The following VPS13D variants were observed in gnomAD, a reference collection of about 807,000 sequenced individuals.
The protein encoded by VPS13D is vacuolar protein sorting 13 homolog D.
In VPS13D, 187 loss-of-function variants were observed where a neutral mutation model predicts 461.9. The observed-to-expected ratio is 0.40, with a 90% CI of 0.36 to 0.46. VPS13D has a LOEUF of 0.46. Among genes scored for constraint, VPS13D ranks in the 20% least tolerant of loss-of-function variants. The pLI is 0.60. For missense variants in VPS13D, 4,711 were observed against 5,364.9 expected (o/e 0.88, Z 3.81); for synonymous variants, 1,951 against 1,986.3 (o/e 0.98, Z 0.47).
chr1:12,400,192 G>A lies in VPS13D; in HGVS notation c.11646G>A (p.Gln3882=). The change falls in exon 61 of 70, where the codon CAG becomes CAA. Residue 3882 remains glutamine (Q), a synonymous_variant. Coordinates refer to ENST00000620676, the MANE Select transcript of VPS13D (RefSeq NM_015378.4). The part of the protein sequence containing the change: ...LSIQDVQVDN[Q]LIGTTQPFML... ...TTCCATGGCCGTAGGTGGACAATCAGCTCATTGGTACCACGCAGCCCTTCA... is the reference window on the plus strand; with the variant it reads ...TTCCATGGCCGTAGGTGGACAATCAACTCATTGGTACCACGCAGCCCTTCA... 6.2e-7 allele frequency: 1 copy of A among 1,613,922 alleles called. No homozygotes were observed. Among genetic ancestry groups the A allele is most frequent in the South Asian group, 1.1e-5 (1 of 91,056 alleles).
chr1:12,337,985 C>T, intron 39 of VPS13D: 1 of 393,106 alleles, frequency 2.5e-6, no homozygotes, highest in Non-Finnish European at 4.7e-6. Flanking sequence ...TCTTCTAATT[C>T]AGGAAAAAAA....
At position 12,299,395 on chromosome 1, in the gene VPS13D, A is replaced by C. The variant is rs1313982238; in HGVS notation, c.6216+11A>C. ...TCCCTACAAGATAAGGTGAGCAATC[A>C]GTATCCATTTCCTTTTCCGTTCAGC... On this transcript the variant is annotated intron_variant, in intron 25 of 69. Transcript: ENST00000620676. This position sits in a 1 kb window ranked among gnomAD's most constrained non-coding sequence, Gnocchi z 4.2. The C allele has an allele frequency of 3.1e-6, 5 of 1,596,902 alleles. No individual in the cohort carries two copies. The South Asian group carries it at 5.7e-5, about 18-fold the overall frequency.
chr1:12,312,948 C>T (rs1053947148), intron 29 of VPS13D, among the ~76,000 whole-genome samples: 1 of 152,172 alleles, frequency 6.6e-6, no homozygotes, highest in African/African-American at 2.4e-5. Context: ...CTTCCTTAGT[C>T]AGTGTAAATG....
chr1:12,325,367 C>T (rs1643153482), intron 35 of VPS13D, among the ~76,000 whole-genome samples: 1 of 152,154 alleles, frequency 6.6e-6, no homozygotes, highest in South Asian at 2.1e-4. Context: ...TCAAGTGATA[C>T]TCCTGCCTCA....
intron 65 of VPS13D, among the ~76,000 whole-genome samples, chr1:12,419,737 T>G (rs1209192963): frequency 5.9e-5 from 9 of 152,170 alleles, no homozygotes; most frequent in Non-Finnish European, 1.2e-4. Context: ...ACATTGGGGA[T>G]TATAATTCAA....
rs201823549 is a variant in VPS13D at position 12,283,177 on chromosome 1, G to A, written c.5075G>A (p.Arg1692Gln). 1.6e-4 allele frequency: 258 copies of A among 1,614,096 alleles called. No individual in the cohort carries two copies. The highest frequency in any genetic ancestry group is 1.6e-3 in the South Asian group (144 of 91,068). Residue 1692 changes from arginine to glutamine, a missense_variant, in exon 21 of 70, where the codon CGA (arginine) becomes CAA (glutamine). Coordinates refer to ENST00000620676, the MANE Select transcript of VPS13D (RefSeq NM_015378.4). ...AAATATAAGAACCTGATGGTGTCTC[G>A]AGGAGCCCCTAAGCCATCTAGTTTA... is the stretch of plus-strand genomic sequence containing the variant. ...DSKYKNLMVS[R>Q]GAPKPSSLAQ... is the part of the protein sequence containing the mutation.
chr1:12,335,680 A>C (rs1340738036), intron 38 of VPS13D, 25 bp from the exon 39 acceptor site: 1 of 1,579,076 alleles, frequency 6.3e-7, no homozygotes, highest in South Asian at 1.2e-5. Flanking sequence ...TAGTTCTCTT[A>C]ATATCTCTGG....
chr1:12,336,122 A>G (rs1157233243), intron 39 of VPS13D: 1 of 290,996 alleles, frequency 3.4e-6, no homozygotes, highest in Non-Finnish European at 6.5e-6. Context: ...ATGCATCAGG[A>G]TCAGCTGTGG....
intron 46 of VPS13D, among the ~76,000 whole-genome samples, chr1:12,353,662 G>C (rs1367619099): frequency 6.6e-6 from 1 of 151,972 alleles, no homozygotes; most frequent in African/African-American, 2.4e-5. Flanking sequence ...GGGGTTGCCT[G>C]AATGATGGAG....
chr1:12,274,770 A>G (rs978144713), intron 18 of VPS13D, among the ~76,000 whole-genome samples: 3 of 152,044 alleles, frequency 2.0e-5, no homozygotes, highest in Non-Finnish European at 4.4e-5. Context: ...GAAAGATGAG[A>G]CCTCTCTTCT....
chr1:12,289,563 C>CTT lies in VPS13D; in HGVS notation c.5725+1263_5725+1264dup, dbSNP rs761225478. 6.0e-4 allele frequency among the ~76,000 whole-genome samples: 84 copies of CTT among 141,060 alleles called. 1 individual carries two copies. Among genetic ancestry groups the CTT allele is most frequent in the African/African-American group, 1.8e-3 (71 of 38,844 alleles). The allele number at this position is 141,060 out of a possible 152,430, so 92.5% of individuals were successfully genotyped here. On this transcript the variant is annotated intron_variant, in intron 22 of 69. Coordinates refer to ENST00000620676, the MANE Select transcript of VPS13D (RefSeq NM_015378.4). ...AGAAAAGCTTCTTAGAGGAGATTGG[C>CTT]TTTTTTTTTTTTTTCCTTCTTACAG...
chr1:12,392,648 C>A (rs1329596615), intron 60 of VPS13D, among the ~76,000 whole-genome samples: 2 of 152,012 alleles, frequency 1.3e-5, no homozygotes, highest in East Asian at 3.8e-4. Flanking sequence ...CCACCAAAGC[C>A]CAGTAACAGG....
At chr1:12,232,294 CAGG>C (rs1358862310) in intron 1 of VPS13D, among the ~76,000 whole-genome samples, 1 of 152,116 alleles carries the variant, frequency 6.6e-6, no homozygotes, top group Non-Finnish European at 1.5e-5. Flanking sequence ...CCAGTTTTTC[CAGG>C]AGATTGAATT....
intron 60 of VPS13D, among the ~76,000 whole-genome samples, chr1:12,387,996 A>G (rs192611836): frequency 1.7e-4 from 26 of 152,348 alleles, no homozygotes; most frequent in South Asian, 4.1e-4. Flanking sequence ...GGAAAAAAAT[A>G]GTATCAGATT....
chr1:12,340,121 C>T (rs1643536330), intron 40 of VPS13D, among the ~76,000 whole-genome samples: 1 of 152,176 alleles, frequency 6.6e-6, no homozygotes, highest in Non-Finnish European at 1.5e-5. Context: ...AAATTTTTTA[C>T]TCCCCCTCTG....
At chr1:12,292,399 A>G (rs1642159799) in intron 23 of VPS13D, among the ~76,000 whole-genome samples, 1 of 135,830 alleles carries the variant, frequency 7.4e-6, no homozygotes, top group Non-Finnish European at 1.5e-5. Context: ...GCCTCTACAT[A>G]TTCTGATTTA....
intron 67 of VPS13D, among the ~76,000 whole-genome samples, chr1:12,463,722 TC>T (rs762299476): frequency 0.03 from 4,627 of 152,216 alleles, 96 homozygotes; most frequent in Non-Finnish European, 0.048. Context: ...GCCCCTGCAC[TC>T]CAGCCTGGGC....
chr1:12,251,358 A>G (rs1349312057), intron 6 of VPS13D, among the ~76,000 whole-genome samples: 1 of 152,208 alleles, frequency 6.6e-6, no homozygotes, highest in African/African-American at 2.4e-5. Context: ...CATCTCAAAC[A>G]TAGCTCTTCC....
intron 24 of VPS13D, among the ~76,000 whole-genome samples, chr1:12,297,565 G>A (rs895239056): frequency 2.0e-5 from 3 of 152,172 alleles, no homozygotes; most frequent in African/African-American, 7.2e-5. Flanking sequence ...GTAGGAATAC[G>A]GAGATAGCAG....
Sources: allele counts gnomAD v4.1 joint callset (sites outside exome capture counted in the v4.1 genomes callset), GRCh38; gene constraint gnomAD v4.1.1; non-coding constraint Gnocchi (gnomAD v3.1); transcripts MANE v1.5; gene names NCBI Gene and HGNC (gene_info 2026-07-23, HGNC 2026-07-21).